CES5A: variants seen among roughly 807,000 people sequenced by gnomAD.
CES5A encodes carboxylesterase 5.
Under a neutral mutation model 62.9 loss-of-function variants are expected in CES5A, and 67 were observed. The ratio of observed to expected loss-of-function variants is 1.07; its 90% CI spans 0.88 to 1.31. The LOEUF (loss-of-function observed/expected upper bound fraction) is 1.31. Ranked by LOEUF, CES5A falls within the 50% of genes most tolerant of loss-of-function variation. The pLI is 0.00. For missense variants in CES5A, 748 were observed against 708.5 expected (o/e 1.06, Z -0.63); for synonymous variants, 296 against 280.8 (o/e 1.05, Z -0.54).
At chr16:55,950,458 A>G (rs2034542758) in intron 1 of CES5A, among the ~76,000 whole-genome samples, 1 of 152,226 alleles carries the variant, frequency 6.6e-6, no homozygotes. Flanking sequence ...AAACTTGAGT[A>G]CTGAAATTTT....
intron 1 of CES5A, chr16:55,949,943 T>C (rs1284271788): frequency 1.7e-5 from 15 of 890,834 alleles, no homozygotes; most frequent in South Asian, 1.0e-4. Flanking sequence ...ACATTGATGA[T>C]AACAATAATA....
intron 1 of CES5A, among the ~76,000 whole-genome samples, chr16:55,893,211 G>A (rs1411888250): frequency 2.0e-5 from 3 of 152,036 alleles, no homozygotes; most frequent in Non-Finnish European, 4.4e-5. Context: ...TGAGACATTT[G>A]AAACCAGAGG....
intron 1 of CES5A, among the ~76,000 whole-genome samples, chr16:55,907,456 T>C (rs547555295): frequency 1.1e-4 from 16 of 152,372 alleles, no homozygotes; most frequent in South Asian, 4.1e-4. Flanking sequence ...GCTATGCATA[T>C]GAAAGGTTTT....
intron 1 of CES5A, among the ~76,000 whole-genome samples, chr16:55,954,956 T>C (rs1276683364): frequency 1.3e-5 from 2 of 152,208 alleles, no homozygotes; most frequent in Non-Finnish European, 2.9e-5. Flanking sequence ...AAGTTCCTTT[T>C]CTTCTCTGGA....
intron 1 of CES5A, among the ~76,000 whole-genome samples, chr16:55,892,784 A>G (rs1334973737): frequency 2.0e-5 from 3 of 151,526 alleles, no homozygotes; most frequent in Non-Finnish European, 2.9e-5. Context: ...TCAAAGAACT[A>G]TGGACACAGA....
intron 1 of CES5A, among the ~76,000 whole-genome samples, chr16:55,916,028 A>G (rs1191920570): frequency 6.6e-6 from 1 of 152,210 alleles, no homozygotes; most frequent in African/African-American, 2.4e-5. Context: ...GGCAGACAGA[A>G]GTATTACTCA....
At chr16:55,874,138 C>T in intron 1 of CES5A, 101 bp from the exon 2 acceptor site, 1 of 1,057,878 alleles carries the variant, frequency 9.5e-7, no homozygotes, top group East Asian at 2.6e-5. Context: ...TTCCTTCACT[C>T]AGAAGTTGTG....
intron 1 of CES5A, among the ~76,000 whole-genome samples, chr16:55,903,805 T>A (rs1339437914): frequency 2.0e-5 from 3 of 152,186 alleles, no homozygotes; most frequent in African/African-American, 4.8e-5. Context: ...GAAAATTAAC[T>A]GGCTTAAAGC....
At chr16:55,943,535 T>C (rs1387216126) in intron 2 of CES5A, among the ~76,000 whole-genome samples, 2 of 152,242 alleles carry the variant, frequency 1.3e-5, no homozygotes, top group African/African-American at 4.8e-5. Context: ...TAATCTCTTT[T>C]GCATACCAAA....
chr16:55,851,519 G>A (rs143610781), intron 10 of CES5A, among the ~76,000 whole-genome samples: 391 of 152,282 alleles, frequency 2.6e-3, no homozygotes, highest in South Asian at 0.023. Context: ...TCAAGATGTC[G>A]AGAAATTGCA....
chr16:55,876,551 C>G (rs571971860), upstream of CES5A, among the ~76,000 whole-genome samples: 1 of 152,036 alleles, frequency 6.6e-6, no homozygotes, highest in South Asian at 2.1e-4. Context: ...CCTGACTCCC[C>G]CTCTTAGACA....
intron 1 of CES5A, among the ~76,000 whole-genome samples, chr16:55,901,666 T>C (rs1218680268): frequency 6.6e-6 from 1 of 152,144 alleles, no homozygotes; most frequent in Non-Finnish European, 1.5e-5. Flanking sequence ...GCACCAGCCA[T>C]AGTGGAGGAC....
intron 1 of CES5A, among the ~76,000 whole-genome samples, chr16:55,921,404 G>A (rs960539135): frequency 4.1e-4 from 63 of 152,110 alleles, no homozygotes; most frequent in African/African-American, 1.3e-3. Flanking sequence ...GCCTCAATTT[G>A]TCTAGCAACA....
chr16:55,914,680 G>A (rs776847067), intron 1 of CES5A, among the ~76,000 whole-genome samples: 12 of 152,144 alleles, frequency 7.9e-5, no homozygotes, highest in Non-Finnish European at 8.8e-5. Context: ...GGACTCTAAC[G>A]TTTGAGAATT....
intron 1 of CES5A, among the ~76,000 whole-genome samples, chr16:55,895,172 T>C (rs576739837): frequency 6.6e-6 from 1 of 152,306 alleles, no homozygotes; most frequent in African/African-American, 2.4e-5. Flanking sequence ...ACACACAGAG[T>C]ACATTTGCAA....
At chr16:55,885,562 C>G (rs1023041170) in intron 1 of CES5A, among the ~76,000 whole-genome samples, 7 of 152,074 alleles carry the variant, frequency 4.6e-5, no homozygotes, top group Non-Finnish European at 7.4e-5. Context: ...ACCATGAAGA[C>G]TAAAGAAGGT....
chr16:55,893,178 T>G (rs1172177301), intron 1 of CES5A, among the ~76,000 whole-genome samples: 1 of 152,064 alleles, frequency 6.6e-6, no homozygotes, highest in Non-Finnish European at 1.5e-5. Flanking sequence ...CCCAGAGAAG[T>G]GAGGGACTTG....
intron 2 of CES5A, among the ~76,000 whole-genome samples, chr16:55,943,490 ACAGTAAATGT>A (rs1266495395): frequency 6.6e-6 from 1 of 152,214 alleles, no homozygotes; most frequent in Non-Finnish European, 1.5e-5. Flanking sequence ...CCCCAGGGGC[ACAGTAAATGT>A]CAGCTTCCTC....
At chr16:55,905,246 C>T (rs2034028971) in intron 1 of CES5A, among the ~76,000 whole-genome samples, 1 of 152,132 alleles carries the variant, frequency 6.6e-6, no homozygotes, top group Non-Finnish European at 1.5e-5. Flanking sequence ...ACTTCCTATG[C>T]AGACTAAGCA....
Sources: gnomAD v4.1 joint callset for allele counts (sites outside exome capture counted in the v4.1 genomes callset) on GRCh38, gnomAD v4.1.1 for gene constraint, MANE v1.5 for transcripts, NCBI Gene and HGNC (gene_info 2026-07-23, HGNC 2026-07-21) for gene names.